Variants in PNPLA7 observed in about 807,000 individuals in gnomAD.
PNPLA7 encodes patatin-like phospholipase domain-containing protein 7.
A neutral mutation model predicts 161.7 loss-of-function variants in PNPLA7; 153 were observed. The observed-to-expected ratio is 0.95, with a 90% CI of 0.83 to 1.08. The LOEUF (loss-of-function observed/expected upper bound fraction) is 1.08. PNPLA7 is among the 50% of genes least tolerant of loss of function. The pLI, the probability that PNPLA7 is intolerant of heterozygous loss-of-function variation, is 0.00. For synonymous variants in PNPLA7, 809 were observed against 782.1 expected (o/e 1.03, Z -0.57); for missense variants, 1,739 against 1,856.6 (o/e 0.94, Z 1.16).
At chr9:137,518,993 C>T (rs967699254) in intron 11 of PNPLA7, among the ~76,000 whole-genome samples, 1 of 144,652 alleles carries the variant, frequency 6.9e-6, no homozygotes, top group African/African-American at 2.6e-5. Flanking sequence ...CCCCCACTCA[C>T]TCACTCCACT....
chr9:137,513,877 C>T (rs1450589074), intron 12 of PNPLA7, among the ~76,000 whole-genome samples: 1 of 152,280 alleles, frequency 6.6e-6, no homozygotes, highest in Non-Finnish European at 1.5e-5. Flanking sequence ...TACGACCAGA[C>T]AATCTGAGAG....
chr9:137,492,949 TG>T, intron 20 of PNPLA7, 63 bp downstream of exon 20: 1 of 942,556 alleles, frequency 1.1e-6, no homozygotes, highest in Non-Finnish European at 1.3e-6. Context: ...ATGGGCTGGG[TG>T]GGCGGGGCTC....
intron 20 of PNPLA7, among the ~76,000 whole-genome samples, chr9:137,487,725 C>A (rs542265011): frequency 2.0e-5 from 3 of 152,242 alleles, no homozygotes. Flanking sequence ...CCAGCCACAC[C>A]GGCACGGAAC....
rs944977734 is a variant in PNPLA7, at chr9:137,523,720, G to A, written c.748-863C>T. 1.3e-5 allele frequency among the ~76,000 whole-genome samples: 2 copies of A among 151,544 alleles called. No individual in the cohort carries two copies. The highest frequency in any genetic ancestry group is 2.4e-5 in the African/African-American group (1 of 41,188). ...TGGCTCACTGCAAGCTCCGCCTCCCGGGTTCACACCATTCTCCTGCCTCAG... is the reference window on the plus strand; with the variant it reads ...TGGCTCACTGCAAGCTCCGCCTCCCAGGTTCACACCATTCTCCTGCCTCAG... On this transcript the variant is annotated intron_variant, in intron 8 of 34. Transcript: ENST00000406427. This position sits in a 1 kb window ranked among gnomAD's most constrained non-coding sequence, Gnocchi z 4.4.
In PNPLA7 at chr9:137,479,078, G is replaced by C; in HGVS notation, c.2741C>G (p.Ser914Cys). 6.3e-7 allele frequency: 1 copy of C among 1,593,368 alleles called. No individual in the cohort carries two copies. Among genetic ancestry groups the C allele is most frequent in the African/African-American group, 1.3e-5 (1 of 74,716 alleles). ...CACCAGCTTGGGCAGGCTCCTCCTG[G>C]AGAAGACGCGGCGCGGGCAGCAGAG... is the stretch of plus-strand genomic sequence containing the variant. ...LHLCCPRRVF[S>C]RRSLPKLVEM... Residue 914 changes from serine (S) to cysteine (C), a missense_variant, in exon 24 of 35, where the codon TCC becomes TGC. Transcript: ENST00000406427.
At chr9:137,475,314 T>C (rs1340982411) in intron 25 of PNPLA7, among the ~76,000 whole-genome samples, 1 of 152,140 alleles carries the variant, frequency 6.6e-6, no homozygotes, top group African/African-American at 2.4e-5. Flanking sequence ...GAGTTGAGGC[T>C]ATAGTGAGCT....
At chr9:137,531,997 G>C (rs1281754543) in intron 8 of PNPLA7, among the ~76,000 whole-genome samples, 2 of 152,192 alleles carry the variant, frequency 1.3e-5, no homozygotes, top group Non-Finnish European at 2.9e-5. Flanking sequence ...GAACTACGAG[G>C]CTCAGCAATC....
In PNPLA7 at chr9:137,501,688, C is replaced by G. The variant is rs374175666; in HGVS notation, c.1513G>C (p.Val505Leu). 5 of 1,612,616 alleles carry G rather than the reference C, an allele frequency of 3.1e-6. No individual in the cohort carries two copies. In the East Asian group the frequency reaches 8.9e-5, roughly 29 times the overall value. The change falls in exon 15 of 35, where the codon GTT (valine) becomes CTT (leucine). Residue 505 changes from valine to leucine, a missense_variant. Val to Leu is a conservative substitution (Grantham distance 32). Coordinates refer to ENST00000406427, the MANE Select transcript of PNPLA7 (RefSeq NM_001098537.3). Reference protein sequence around the residue: ...LLDGRVALLHVPAGTVVSRQG... With the variant: ...LLDGRVALLHLPAGTVVSRQG... ...CTTGACACCACCGTGCCTGCAGGAA[C>G]GTGCAGAAGCGCCACCCGGCCATCC...
rs1834996764 is a variant in PNPLA7 at position 137,521,651 on chromosome 9, T to C, written c.942A>G (p.Thr314=). 2.5e-6 allele frequency: 4 copies of C among 1,612,862 alleles called. No individual in the cohort carries two copies. Among genetic ancestry groups the C allele is most frequent in the Non-Finnish European group, 3.4e-6 (4 of 1,179,848 alleles). Residue 314 remains threonine, a synonymous_variant, in exon 10 of 35, where the codon ACA becomes ACG. Transcript: ENST00000406427. ...LALHNYLGLT[T]ELFNAESQAI... ...TTTCACTTACAGCGTTGAAGAGCTC[T>C]GTGGTCAGGCCGAGGTAGTTGTGCA...
chr9:137,470,511 G>A (rs1831659351), intron 25 of PNPLA7, among the ~76,000 whole-genome samples: 1 of 151,436 alleles, frequency 6.6e-6, no homozygotes, highest in Non-Finnish European at 1.5e-5. Context: ...CTCCAGCCTG[G>A]GCAACAGAAT....
intron 30 of PNPLA7, 58 bp downstream of exon 30, chr9:137,462,627 G>C (rs147430973): frequency 6.3e-7 from 1 of 1,591,468 alleles, no homozygotes; most frequent in East Asian, 2.2e-5. Flanking sequence ...CGCAGGACAG[G>C]TGTGGAGCTG....
rs768118575 is a variant in PNPLA7, at chr9:137,500,648, G to C, written c.1757+43C>G. 1.3e-6 allele frequency: 2 copies of C among 1,587,362 alleles called. No homozygotes were observed. The highest frequency in any genetic ancestry group is 1.7e-5 in the Admixed American group (1 of 58,326). On this transcript the variant is annotated intron_variant, in intron 16 of 34. Transcript: ENST00000406427. This position sits in a 1 kb window ranked among gnomAD's most constrained non-coding sequence, Gnocchi z 5.5. ...ACGCGGGGAGGGGTCTCAGGGCAGG[G>C]GGGGCTGGGGCCCGCCCTGAGGTCC...
At chr9:137,501,388 C>T (rs1564318889) in intron 15 of PNPLA7, among the ~76,000 whole-genome samples, 7 of 152,360 alleles carry the variant, frequency 4.6e-5, no homozygotes, top group Admixed American at 3.3e-4. Context: ...CCTCTTATGA[C>T]CTCTTCCCAA....
rs544719320 is a variant in PNPLA7 at position 137,494,585 on chromosome 9, G to A, written c.2127+448C>T. 2.0e-3 allele frequency among the ~76,000 whole-genome samples: 296 copies of A among 150,898 alleles called. 1 individual carries two copies. The highest frequency in any genetic ancestry group is 3.4e-3 in the Non-Finnish European group (228 of 67,672). ...CCTGCTCTGCGCCCTCACCTGCTCCGCACCCTCACCTGCGCCCTGCCCTCA... is the reference window on the plus strand; with the variant it reads ...CCTGCTCTGCGCCCTCACCTGCTCCACACCCTCACCTGCGCCCTGCCCTCA... On this transcript the variant is annotated intron_variant, in intron 19 of 34. Transcript: ENST00000406427.
chr9:137,516,239 C>T (rs1033267161), intron 11 of PNPLA7: 5 of 869,504 alleles, frequency 5.8e-6, no homozygotes, highest in Admixed American at 6.3e-5. Context: ...CTCAGGGCGT[C>T]CCATTGGTGG....
intron 23 of PNPLA7, among the ~76,000 whole-genome samples, chr9:137,480,056 T>G (rs1166606772): frequency 1.1e-4 from 16 of 152,228 alleles, no homozygotes; most frequent in Non-Finnish European, 2.4e-4. Flanking sequence ...CCGCACCTGC[T>G]GTAAAAGTGC....
At chr9:137,509,756 G>A (rs1185252187) in intron 12 of PNPLA7, 3 of 455,428 alleles carry the variant, frequency 6.6e-6, no homozygotes, top group African/African-American at 2.0e-5. Flanking sequence ...AGGAGTAGAC[G>A]CTGGTGTCTG....
intron 26 of PNPLA7, among the ~76,000 whole-genome samples, chr9:137,466,461 C>A (rs1429061495): frequency 6.7e-6 from 1 of 150,026 alleles, no homozygotes; most frequent in Non-Finnish European, 1.5e-5. Flanking sequence ...ACCTCAGACC[C>A]AGGCACAGAA....
intron 9 of PNPLA7, among the ~76,000 whole-genome samples, chr9:137,522,223 C>T (rs957708022): frequency 2.7e-4 from 41 of 152,206 alleles, no homozygotes; most frequent in Admixed American, 3.9e-4. Context: ...TACAGGCGCC[C>T]GCCACCACGC....
Sources: allele counts gnomAD v4.1 joint callset (sites outside exome capture counted in the v4.1 genomes callset), GRCh38; gene constraint gnomAD v4.1.1; non-coding constraint Gnocchi (gnomAD v3.1); transcripts MANE v1.5; gene names NCBI Gene and HGNC (gene_info 2026-07-23, HGNC 2026-07-21).